NOX4: variants seen among roughly 807,000 people sequenced by gnomAD.
NOX4 encodes the protein kidney oxidase-1.
A neutral mutation model predicts 87.6 loss-of-function variants in NOX4; 69 were observed. That is an observed-to-expected ratio of 0.79 (90% confidence interval 0.65 to 0.96). NOX4 has a LOEUF of 0.96. NOX4 is among the 40% of genes least tolerant of loss of function. The pLI, the probability that NOX4 is intolerant of heterozygous loss-of-function variation, is 0.00. For synonymous variants in NOX4, 275 were observed against 238.2 expected (o/e 1.15, Z -1.42); for missense variants, 680 against 681.5 (o/e 1.00, Z 0.02).
upstream of NOX4, chr11:89,498,935 T>G (rs780899068): frequency 6.6e-6 from 1 of 152,260 alleles, no homozygotes; most frequent in African/African-American, 2.4e-5. Flanking sequence ...AGAAAGAAGT[T>G]TTTGAATCAG....
chr11:89,526,353 A>T, the NOX4 span, among the ~76,000 whole-genome samples: 2 of 152,174 alleles, frequency 1.3e-5, no homozygotes, highest in African/African-American at 4.8e-5. Context: ...ACTGGGATAA[A>T]CATCACCACA....
chr11:89,409,473 A>C (rs1456968972), intron 8 of NOX4, among the ~76,000 whole-genome samples: 1 of 152,204 alleles, frequency 6.6e-6, no homozygotes, highest in Non-Finnish European at 1.5e-5. Flanking sequence ...TTCTGTATAT[A>C]CTATATGTAT....
At chr11:89,559,251 A>T in the NOX4 span, among the ~76,000 whole-genome samples, 21 of 152,244 alleles carry the variant, frequency 1.4e-4, no homozygotes, top group African/African-American at 5.1e-4. Context: ...CACAATTACA[A>T]AAAAGAGTTT....
intron 2 of NOX4, among the ~76,000 whole-genome samples, chr11:89,476,312 C>CT (rs1439447996): frequency 6.6e-6 from 1 of 151,868 alleles, no homozygotes; most frequent in African/African-American, 2.4e-5. Context: ...ATATATGTAG[C>CT]TTTTTTTGGT....
chr11:89,546,949 C>T, the NOX4 span, among the ~76,000 whole-genome samples: 1 of 152,172 alleles, frequency 6.6e-6, no homozygotes, highest in African/African-American at 2.4e-5. Context: ...CAAACCATAG[C>T]AGTTTCTAAG....
At chr11:89,330,320 G>A (rs1945416618) in intron 17 of NOX4, among the ~76,000 whole-genome samples, 1 of 151,984 alleles carries the variant, frequency 6.6e-6, no homozygotes, top group Non-Finnish European at 1.5e-5. Flanking sequence ...CTGCACTCTG[G>A]CCTGAGCAAC....
chr11:89,385,142 C>A (rs958377102), intron 11 of NOX4, among the ~76,000 whole-genome samples: 6 of 152,180 alleles, frequency 3.9e-5, no homozygotes, highest in Non-Finnish European at 5.9e-5. Context: ...AATATTTATA[C>A]TGACTCTAAA....
chr11:89,481,230 G>C (rs1946378575), intron 2 of NOX4, among the ~76,000 whole-genome samples: 1 of 151,478 alleles, frequency 6.6e-6, no homozygotes, highest in South Asian at 2.1e-4. Context: ...TTATGTCTCT[G>C]AATTCTTTTT....
At chr11:89,452,819 A>C (rs1185634057) in intron 2 of NOX4, among the ~76,000 whole-genome samples, 1 of 151,996 alleles carries the variant, frequency 6.6e-6, no homozygotes. Context: ...GGTTCAAGCT[A>C]TCCTCCTGCC....
the NOX4 span, among the ~76,000 whole-genome samples, chr11:89,507,110 T>G: frequency 6.6e-6 from 1 of 151,900 alleles, no homozygotes. Context: ...TATTCTATAT[T>G]TATAGAAAGT....
At chr11:89,493,708 T>C (rs1051514512), upstream of NOX4, among the ~76,000 whole-genome samples, 43 of 138,878 alleles carry the variant, frequency 3.1e-4, no homozygotes, top group Non-Finnish European at 1.8e-4. Flanking sequence ...CAATTTTCTC[T>C]AAGCCAGATT....
chr11:89,561,783 G>A, the NOX4 span, among the ~76,000 whole-genome samples: 1 of 152,044 alleles, frequency 6.6e-6, no homozygotes, highest in African/African-American at 2.4e-5. Context: ...CCGCAAACAA[G>A]CAAATCCATA....
rs1019808697 is a variant in NOX4 at position 89,437,463 on chromosome 11, G to A, written c.475+3225C>T. Among the ~76,000 whole-genome samples, 6 of 152,182 alleles carry A rather than the reference G, an allele frequency of 3.9e-5. No individual in the cohort carries two copies. In the South Asian group the frequency reaches 1.0e-3, roughly 26 times the overall value. On this transcript the variant is annotated intron_variant, in intron 6 of 17. Transcript: ENST00000263317. The stretch of plus-strand genomic sequence containing the variant: ...CAGTGGGGACAAACAGATGCCTTAG[G>A]AGCTCCAGACTCACGCTTAGGGAGC...
chr11:89,382,971 G>T (rs1940407337), intron 11 of NOX4, among the ~76,000 whole-genome samples: 1 of 151,874 alleles, frequency 6.6e-6, no homozygotes, highest in East Asian at 1.9e-4. Context: ...TACCGCCCTA[G>T]ACCCAGAGGG....
At chr11:89,372,214 C>A (rs142070747) in intron 12 of NOX4, among the ~76,000 whole-genome samples, 2,828 of 151,842 alleles carry the variant, frequency 0.019, 41 homozygotes, top group Non-Finnish European at 0.032. Context: ...CCTTTAAGTA[C>A]CTTCAAGTCT....
the NOX4 span, among the ~76,000 whole-genome samples, chr11:89,558,214 C>T: frequency 6.6e-6 from 1 of 152,016 alleles, no homozygotes; most frequent in Non-Finnish European, 1.5e-5. Context: ...GAGTCGATGC[C>T]CTTTACTAAT....
intron 14 of NOX4, among the ~76,000 whole-genome samples, chr11:89,341,502 T>C (rs1946000417): frequency 6.6e-6 from 1 of 152,228 alleles, no homozygotes; most frequent in African/African-American, 2.4e-5. Flanking sequence ...TGTGTTCAGT[T>C]GTCATCTCAG....
chr11:89,327,664 C>A (rs1046364004), intron 17 of NOX4, among the ~76,000 whole-genome samples: 1 of 152,040 alleles, frequency 6.6e-6, no homozygotes, highest in Non-Finnish European at 1.5e-5. Context: ...CATCTCATAT[C>A]TTGGGAAAAT....
intron 13 of NOX4, among the ~76,000 whole-genome samples, chr11:89,346,688 A>G (rs958224104): frequency 1.3e-5 from 2 of 152,120 alleles, no homozygotes; most frequent in African/African-American, 2.4e-5. Context: ...GCTTGGCCCT[A>G]TCCTTCAACC....
Sources: allele counts gnomAD v4.1 joint callset (sites outside exome capture counted in the v4.1 genomes callset), GRCh38; gene constraint gnomAD v4.1.1; transcripts MANE v1.5; gene names NCBI Gene and HGNC (gene_info 2026-07-23, HGNC 2026-07-21).